Variants in ADGRL3 observed in about 807,000 individuals in gnomAD.
The protein encoded by ADGRL3 is adhesion G protein-coupled receptor L3, also known as calcium-independent alpha-latrotoxin receptor 3.
In ADGRL3, 62 loss-of-function variants were observed where a neutral mutation model predicts 153.5. That is an observed-to-expected ratio of 0.40 (90% CI 0.33 to 0.50). The LOEUF (loss-of-function observed/expected upper bound fraction) is 0.50, where lower values mean the gene tolerates loss of function less well. Ranked by LOEUF, ADGRL3 falls within the 20% of genes least tolerant of loss-of-function variation. The pLI, the probability that ADGRL3 is intolerant of heterozygous loss-of-function variation, is 0.47. For missense variants in ADGRL3, 1,641 were observed against 1,859.4 expected (o/e 0.88, Z 2.16); for synonymous variants, 710 against 672.5 (o/e 1.06, Z -0.86).
intron 13 of ADGRL3, among the ~76,000 whole-genome samples, chr4:61,927,821 T>G (rs968040353): frequency 1.3e-5 from 2 of 152,016 alleles, no homozygotes; most frequent in African/African-American, 4.8e-5. Context: ...AAACCTTATA[T>G]CAAGAAATCA....
At chr4:61,830,550 G>T (rs1003614528) in intron 9 of ADGRL3, among the ~76,000 whole-genome samples, 1 of 152,146 alleles carries the variant, frequency 6.6e-6, no homozygotes, top group Non-Finnish European at 1.5e-5. Flanking sequence ...TCTATGAAAA[G>T]ATTCTTTCAG....
At chr4:61,779,633 CAAAAAAAAAAAAA>C (rs1174232668) in intron 8 of ADGRL3, among the ~76,000 whole-genome samples, 1 of 42,096 alleles carries the variant, frequency 2.4e-5, no homozygotes, top group East Asian at 1.1e-3. Flanking sequence ...GACTCTGTCT[CAAAAAAAAAAAAA>C]AAAAAAAAAA....
At chr4:61,534,406 C>T (rs1404288277) in intron 4 of ADGRL3, among the ~76,000 whole-genome samples, 7 of 152,026 alleles carry the variant, frequency 4.6e-5, no homozygotes, top group East Asian at 1.9e-4. Context: ...GTTTGGAATG[C>T]GTTAGCTATT....
intron 1 of ADGRL3, among the ~76,000 whole-genome samples, chr4:61,256,483 CT>C (rs957579195): frequency 9.9e-5 from 15 of 151,070 alleles, no homozygotes; most frequent in African/African-American, 3.2e-4. Flanking sequence ...AATAATTATC[CT>C]TTTTTTTTCT....
intron 5 of ADGRL3, among the ~76,000 whole-genome samples, chr4:61,617,825 G>A (rs1401572273): frequency 1.3e-5 from 2 of 152,176 alleles, no homozygotes; most frequent in African/African-American, 4.8e-5. Flanking sequence ...GTTAACATGT[G>A]TTATAAATCC....
chr4:61,896,515 T>A (rs527446993), intron 11 of ADGRL3, among the ~76,000 whole-genome samples: 1 of 152,292 alleles, frequency 6.6e-6, no homozygotes, highest in South Asian at 2.1e-4. Flanking sequence ...AGAGAGATTT[T>A]CCCGAGAAAT....
At chr4:61,645,977 G>A (rs1019859664) in intron 5 of ADGRL3, among the ~76,000 whole-genome samples, 6 of 152,082 alleles carry the variant, frequency 3.9e-5, no homozygotes, top group African/African-American at 1.4e-4. Context: ...TGGAGGCTTT[G>A]CTCGTTTCTT....
At chr4:61,516,569 A>C (rs1203642517) in intron 3 of ADGRL3, among the ~76,000 whole-genome samples, 2 of 152,130 alleles carry the variant, frequency 1.3e-5, no homozygotes, top group Non-Finnish European at 2.9e-5. Context: ...TGTTTTCTGA[A>C]TTATTTTTAA....
At chr4:61,579,539 C>T in intron 4 of ADGRL3, 1 of 493,258 alleles carries the variant, frequency 2.0e-6, no homozygotes, top group South Asian at 1.5e-5. Context: ...AGGCAATCCT[C>T]AGGTAGACGA....
chr4:61,761,048 G>T (rs1234363837), intron 8 of ADGRL3, among the ~76,000 whole-genome samples: 1 of 152,170 alleles, frequency 6.6e-6, no homozygotes, highest in Admixed American at 6.5e-5. Context: ...CAGTTCCTGG[G>T]TGGGGACCAC....
At chr4:61,220,112 CAAA>C (rs71211371) in intron 1 of ADGRL3, among the ~76,000 whole-genome samples, 50,961 of 135,756 alleles carry the variant, frequency 0.38, 9,846 homozygotes, top group Middle Eastern at 0.5. Context: ...AAATCTGTCT[CAAA>C]AAAAAAAAAA....
intron 2 of ADGRL3, among the ~76,000 whole-genome samples, chr4:61,401,990 T>C (rs1322793009): frequency 6.6e-6 from 1 of 152,118 alleles, no homozygotes; most frequent in Non-Finnish European, 1.5e-5. Flanking sequence ...TTCCCTGTTG[T>C]AGTGCAAAGG....
At chr4:61,782,745 T>C (rs73823236) in intron 8 of ADGRL3, among the ~76,000 whole-genome samples, 9,656 of 152,152 alleles carry the variant, frequency 0.063, 865 homozygotes, top group African/African-American at 0.2. Flanking sequence ...AAATTCATGC[T>C]GATAGAGAAA....
At chr4:61,868,151 A>G (rs2098414657) in intron 9 of ADGRL3, among the ~76,000 whole-genome samples, 1 of 152,172 alleles carries the variant, frequency 6.6e-6, no homozygotes, top group Admixed American at 6.5e-5. Flanking sequence ...AATACATAAA[A>G]TATGTCTTTG....
At chr4:61,822,053 A>G (rs1291306389) in intron 9 of ADGRL3, among the ~76,000 whole-genome samples, 5 of 152,212 alleles carry the variant, frequency 3.3e-5, no homozygotes, top group Non-Finnish European at 7.3e-5. Flanking sequence ...ATATTCTACG[A>G]TGATGCTTTT....
chr4:61,870,400 G>C (rs756550395), intron 9 of ADGRL3, among the ~76,000 whole-genome samples: 1 of 152,140 alleles, frequency 6.6e-6, no homozygotes, highest in Non-Finnish European at 1.5e-5. Flanking sequence ...TTAAGCAATG[G>C]TTTCTTACAT....
intron 1 of ADGRL3, among the ~76,000 whole-genome samples, chr4:61,291,630 T>A (rs2094217789): frequency 1.0e-5 from 1 of 95,900 alleles, no homozygotes; most frequent in African/African-American, 3.4e-5. Flanking sequence ...ATATATAAAA[T>A]ATTTATTTAT....
chr4:61,368,063 T>C (rs2096442289), intron 1 of ADGRL3, among the ~76,000 whole-genome samples: 2 of 151,818 alleles, frequency 1.3e-5, no homozygotes, highest in African/African-American at 4.8e-5. Flanking sequence ...TTCATGTCCT[T>C]CGCCCACTTT....
At chr4:61,913,919 C>T in intron 13 of ADGRL3, among the ~76,000 whole-genome samples, 1 of 152,074 alleles carries the variant, frequency 6.6e-6, no homozygotes, top group Middle Eastern at 3.2e-3. Context: ...TTAATTCTGG[C>T]TGGCAAATTC....
Sources: allele counts gnomAD v4.1 joint callset (sites outside exome capture counted in the v4.1 genomes callset), GRCh38; gene constraint gnomAD v4.1.1; transcripts MANE v1.5; gene names NCBI Gene and HGNC (gene_info 2026-07-23, HGNC 2026-07-21).